Variants in CCDC146 observed in about 807,000 individuals in gnomAD.
CCDC146 encodes the protein coiled-coil domain-containing protein 146.
A neutral mutation model predicts 119.3 loss-of-function variants in CCDC146; 92 were observed. The observed-to-expected ratio is 0.77, with a 90% confidence interval of 0.65 to 0.92. CCDC146 has a LOEUF of 0.92. CCDC146 is among the 40% of genes least tolerant of loss of function. The pLI, the probability that CCDC146 is intolerant of heterozygous loss-of-function variation, is 0.00. For synonymous variants in CCDC146, 372 were observed against 371.8 expected (o/e 1.00, Z -0.01); for missense variants, 1,000 against 1,103.0 (o/e 0.91, Z 1.32).
At chr7:77,238,878 AAC>A (rs1224267436) in intron 3 of CCDC146, among the ~76,000 whole-genome samples, 1 of 152,096 alleles carries the variant, frequency 6.6e-6, no homozygotes, top group Non-Finnish European at 1.5e-5. Context: ...TGTGTTGCAA[AAC>A]AGTTAACTTC....
chr7:77,272,208 T>C (rs758038677), intron 9 of CCDC146, among the ~76,000 whole-genome samples: 1 of 152,234 alleles, frequency 6.6e-6, no homozygotes, highest in Non-Finnish European at 1.5e-5. Flanking sequence ...AATTTTATGT[T>C]TGTTAAGCCC....
intron 1 of CCDC146, among the ~76,000 whole-genome samples, chr7:77,125,717 A>C (rs1248511614): frequency 6.6e-6 from 1 of 152,092 alleles, no homozygotes; most frequent in Non-Finnish European, 1.5e-5. Context: ...CAAAGAATTC[A>C]GCAATTTAGC....
chr7:77,259,858 C>A (rs1404600714), intron 7 of CCDC146, 151 bp from the exon 8 acceptor site: 2 of 613,664 alleles, frequency 3.3e-6, no homozygotes, highest in Non-Finnish European at 5.7e-6. Context: ...CTGCTGAGAT[C>A]ATTGAATTTA....
At chr7:77,287,064 A>T in intron 16 of CCDC146, 138 bp downstream of exon 16, 3 of 936,292 alleles carry the variant, frequency 3.2e-6, no homozygotes, top group South Asian at 3.4e-5. Flanking sequence ...TTTTGTTGTA[A>T]TCTAGTCATA....
At chr7:77,159,593 G>A (rs575976877) in intron 1 of CCDC146, among the ~76,000 whole-genome samples, 1 of 152,098 alleles carries the variant, frequency 6.6e-6, no homozygotes, top group South Asian at 2.1e-4. Context: ...TGAAATGAAC[G>A]TGGGAGTGCC....
At chr7:77,292,603 C>T (rs1330136467) in intron 17 of CCDC146, among the ~76,000 whole-genome samples, 5 of 135,082 alleles carry the variant, frequency 3.7e-5, no homozygotes, top group Admixed American at 7.9e-5. Flanking sequence ...GGCGACAGAG[C>T]GAGACTCAGT....
chr7:77,172,805 G>A (rs1791442215), intron 2 of CCDC146, among the ~76,000 whole-genome samples: 1 of 152,120 alleles, frequency 6.6e-6, no homozygotes, highest in African/African-American at 2.4e-5. Context: ...TGCCTCCATT[G>A]CTTTTAAGCT....
At chr7:77,211,814 C>T (rs1041076115) in intron 2 of CCDC146, among the ~76,000 whole-genome samples, 2 of 152,050 alleles carry the variant, frequency 1.3e-5, no homozygotes, top group African/African-American at 4.8e-5. Flanking sequence ...TGGGGTTTCA[C>T]CATGTTGGCC....
At chr7:77,206,783 A>G (rs542661119) in intron 2 of CCDC146, among the ~76,000 whole-genome samples, 119 of 151,590 alleles carry the variant, frequency 7.9e-4, no homozygotes, top group African/African-American at 2.7e-3. Flanking sequence ...ACATTGTGAA[A>G]TATGTAATCC....
At chr7:77,254,840 G>A (rs1278758502) in intron 5 of CCDC146, among the ~76,000 whole-genome samples, 1 of 152,172 alleles carries the variant, frequency 6.6e-6, no homozygotes, top group African/African-American at 2.4e-5. Flanking sequence ...TTCTGTGGTT[G>A]ACACTAAAAA....
chr7:77,124,303 T>C (rs1477488591), intron 1 of CCDC146, among the ~76,000 whole-genome samples: 2 of 152,228 alleles, frequency 1.3e-5, no homozygotes, highest in African/African-American at 4.8e-5. Flanking sequence ...TTAAGATTGG[T>C]ATAAAATAGT....
chr7:77,259,240 C>A (rs1168982928), intron 7 of CCDC146, 172 bp downstream of exon 7: 3 of 504,126 alleles, frequency 6.0e-6, no homozygotes, highest in South Asian at 3.3e-5. Flanking sequence ...AAGTAATGCA[C>A]CAAATTTCTA....
At chr7:77,134,557 G>GTC (rs1363443670) in intron 1 of CCDC146, among the ~76,000 whole-genome samples, 8 of 109,392 alleles carry the variant, frequency 7.3e-5, no homozygotes, top group African/African-American at 2.9e-4. Context: ...GTGTGTGTGT[G>GTC]TGTGTCTGTG....
chr7:77,220,948 G>A (rs1295827793), intron 2 of CCDC146, among the ~76,000 whole-genome samples: 1 of 152,176 alleles, frequency 6.6e-6, no homozygotes. Context: ...TCCACAGGCT[G>A]TACAGGAAGC....
intron 1 of CCDC146, among the ~76,000 whole-genome samples, chr7:77,129,024 C>T (rs1181804048): frequency 1.3e-5 from 2 of 152,132 alleles, no homozygotes; most frequent in Non-Finnish European, 2.9e-5. Context: ...GTCAGCCCTA[C>T]TCCTGCACAA....
At chr7:77,201,826 T>A (rs1229817672) in intron 2 of CCDC146, among the ~76,000 whole-genome samples, 1 of 152,176 alleles carries the variant, frequency 6.6e-6, no homozygotes, top group East Asian at 1.9e-4. Flanking sequence ...TCTCACCTAT[T>A]TTCAAGCTGT....
chr7:77,237,815 G>A (rs1792766161), intron 3 of CCDC146, among the ~76,000 whole-genome samples: 1 of 152,194 alleles, frequency 6.6e-6, no homozygotes, highest in South Asian at 2.1e-4. Context: ...GGGGAGTGAA[G>A]AAAGAGGGAA....
At chr7:77,264,785 C>T (rs1359320852) in intron 9 of CCDC146, among the ~76,000 whole-genome samples, 1 of 152,204 alleles carries the variant, frequency 6.6e-6, no homozygotes. Context: ...TCCCACATTT[C>T]CTTCCTTGGG....
chr7:77,146,125 A>AGGAT (rs1347914831), intron 1 of CCDC146, among the ~76,000 whole-genome samples: 1 of 151,108 alleles, frequency 6.6e-6, no homozygotes, highest in Non-Finnish European at 1.5e-5. Context: ...ATACATATTT[A>AGGAT]AGTTAGCTCT....
Sources: allele counts gnomAD v4.1 joint callset (sites outside exome capture counted in the v4.1 genomes callset), GRCh38; gene constraint gnomAD v4.1.1; transcripts MANE v1.5; gene names NCBI Gene and HGNC (gene_info 2026-07-23, HGNC 2026-07-21).